MICU3: variants seen among roughly 807,000 people sequenced by gnomAD.
MICU3 encodes the protein mitochondrial calcium uptake 3, also known as calcium uptake protein 3, mitochondrial.
Under a neutral mutation model 66.5 loss-of-function variants are expected in MICU3, and 62 were observed. That is an observed-to-expected ratio of 0.93 (90% CI 0.76 to 1.15). The LOEUF (loss-of-function observed/expected upper bound fraction) is 1.15, where lower values mean the gene tolerates loss of function less well. MICU3 is among the 50% of genes most tolerant of loss of function. The pLI, the probability that MICU3 is intolerant of heterozygous loss-of-function variation, is 0.00. For synonymous variants in MICU3, 308 were observed against 240.7 expected (o/e 1.28, Z -2.59); for missense variants, 779 against 664.4 (o/e 1.17, Z -1.90).
intron 13 of MICU3, among the ~76,000 whole-genome samples, chr8:17,117,155 T>C (rs1386580311): frequency 6.6e-6 from 1 of 151,896 alleles, no homozygotes; most frequent in Non-Finnish European, 1.5e-5. Context: ...TTTATAATTT[T>C]TTTTACTAGC....
At chr8:17,080,734 G>A (rs1821061750) in intron 4 of MICU3, among the ~76,000 whole-genome samples, 2 of 152,084 alleles carry the variant, frequency 1.3e-5, no homozygotes. Flanking sequence ...CCTGGCTAGT[G>A]CCCTTCATGT....
the MICU3 span, among the ~76,000 whole-genome samples, chr8:17,136,071 A>T: frequency 6.6e-6 from 1 of 152,038 alleles, no homozygotes; most frequent in Non-Finnish European, 1.5e-5. Flanking sequence ...ACATAAAGTA[A>T]ATTCATGGAA....
the MICU3 span, chr8:17,132,929 CT>C: frequency 6.6e-6 from 1 of 152,168 alleles, no homozygotes; most frequent in African/African-American, 2.4e-5. Flanking sequence ...AGATTAGTGC[CT>C]TGGTAAAAGA....
chr8:17,034,991 G>A (rs748478104), intron 1 of MICU3, among the ~76,000 whole-genome samples: 1 of 152,162 alleles, frequency 6.6e-6, no homozygotes, highest in African/African-American at 2.4e-5. Flanking sequence ...GGGACCCAGT[G>A]GGAGGTGATT....
At chr8:17,058,056 G>C (rs1250420791) in intron 1 of MICU3, among the ~76,000 whole-genome samples, 1 of 152,002 alleles carries the variant, frequency 6.6e-6, no homozygotes, top group Admixed American at 6.6e-5. Flanking sequence ...CACCATGTTG[G>C]CCAGGCTGGT....
chr8:17,096,957 G>T (rs1009321463), intron 8 of MICU3, among the ~76,000 whole-genome samples: 1 of 21,366 alleles, frequency 4.7e-5, no homozygotes, highest in South Asian at 1.3e-3. Flanking sequence ...AAATATATTT[G>T]TGTGTGTGTG....
At chr8:17,075,364 GC>G (rs1820224650) in intron 3 of MICU3, among the ~76,000 whole-genome samples, 1 of 152,154 alleles carries the variant, frequency 6.6e-6, no homozygotes, top group Admixed American at 6.5e-5. Context: ...GCTCACTAAA[GC>G]CCCAACTCTG....
intron 1 of MICU3, among the ~76,000 whole-genome samples, chr8:17,028,541 C>A (rs1426333163): frequency 1.3e-5 from 2 of 152,064 alleles, no homozygotes; most frequent in Admixed American, 6.6e-5. Context: ...ATGTGAACGG[C>A]GTAGATGAAA....
At chr8:17,123,010 G>A (rs1240318691), downstream of MICU3, among the ~76,000 whole-genome samples, 1 of 151,896 alleles carries the variant, frequency 6.6e-6, no homozygotes, top group Non-Finnish European at 1.5e-5. Flanking sequence ...ACTACTTATA[G>A]CCATATAGTA....
At chr8:17,047,695 G>C (rs146905566) in intron 1 of MICU3, among the ~76,000 whole-genome samples, 1 of 152,124 alleles carries the variant, frequency 6.6e-6, no homozygotes, top group Non-Finnish European at 1.5e-5. Context: ...GAAAATAACT[G>C]CCACTTAGAT....
At chr8:17,126,918 G>A (rs1803418724), downstream of MICU3, among the ~76,000 whole-genome samples, 1 of 152,142 alleles carries the variant, frequency 6.6e-6, no homozygotes, top group Non-Finnish European at 1.5e-5. Flanking sequence ...TACACTCTCT[G>A]ACACAGTATA....
intron 1 of MICU3, among the ~76,000 whole-genome samples, chr8:17,039,941 CTT>C (rs1813767822): frequency 1.1e-5 from 1 of 89,110 alleles, no homozygotes; most frequent in African/African-American, 4.3e-5. Flanking sequence ...GAGTTTCGCT[CTT>C]GTTGCCCAGG....
intron 1 of MICU3, among the ~76,000 whole-genome samples, chr8:17,054,347 A>C (rs1348341351): frequency 2.6e-5 from 4 of 152,196 alleles, no homozygotes. Flanking sequence ...ATATGAATGA[A>C]AGAAATGAAG....
At chr8:17,034,510 T>C (rs928623621) in intron 1 of MICU3, among the ~76,000 whole-genome samples, 5 of 152,246 alleles carry the variant, frequency 3.3e-5, no homozygotes, top group Admixed American at 6.5e-5. Flanking sequence ...GCAAAGTGAA[T>C]TGAAAACTTT....
At chr8:17,035,314 A>G (rs1812779090) in intron 1 of MICU3, among the ~76,000 whole-genome samples, 1 of 152,206 alleles carries the variant, frequency 6.6e-6, no homozygotes, top group Non-Finnish European at 1.5e-5. Flanking sequence ...AAGATAACCA[A>G]AAATGTGGAA....
intron 9 of MICU3, 35 bp downstream of exon 9, chr8:17,098,588 T>C: frequency 7.5e-7 from 1 of 1,334,880 alleles, no homozygotes; most frequent in Non-Finnish European, 1.1e-6. Flanking sequence ...CTTGTACTAT[T>C]TGCCATCTTG....
At chr8:17,096,955 T>TTGTGTGTGTG (rs3988378) in intron 8 of MICU3, among the ~76,000 whole-genome samples, 1,878 of 141,628 alleles carry the variant, frequency 0.013, 14 homozygotes, top group Non-Finnish European at 0.018. Context: ...CTAAATATAT[T>TTGTGTGTGTG]TGTGTGTGTG....
At chr8:17,092,497 CTTT>C (rs1585452482) in intron 8 of MICU3, among the ~76,000 whole-genome samples, 1 of 151,678 alleles carries the variant, frequency 6.6e-6, no homozygotes, top group Non-Finnish European at 1.5e-5. Flanking sequence ...AATATTTTTT[CTTT>C]ATTTCATTTT....
At chr8:17,138,495 A>C in the MICU3 span, among the ~76,000 whole-genome samples, 1 of 152,170 alleles carries the variant, frequency 6.6e-6, no homozygotes, top group Admixed American at 6.6e-5. Context: ...AAAGAAAAAA[A>C]TGCAAGAATT....
Sources: allele counts gnomAD v4.1 joint callset (sites outside exome capture counted in the v4.1 genomes callset), GRCh38; gene constraint gnomAD v4.1.1; transcripts MANE v1.5; gene names NCBI Gene and HGNC (gene_info 2026-07-23, HGNC 2026-07-21).